G3BP2: variants seen among roughly 807,000 people sequenced by gnomAD.
G3BP2 encodes the protein G3BP stress granule assembly factor 2.
A neutral mutation model predicts 56.7 loss-of-function variants in G3BP2; 11 were observed. The observed-to-expected ratio is 0.19, with a 90% CI of 0.12 to 0.32. G3BP2 has a LOEUF of 0.32. G3BP2 is among the 10% of genes least tolerant of loss of function. The pLI is 1.00. For missense variants in G3BP2, 340 were observed against 610.9 expected, an observed-to-expected ratio of 0.56 and a Z score of 4.67; for synonymous variants, 165 against 191.6, an observed-to-expected ratio of 0.86 and a Z score of 1.15.
chr4:75,672,348 T>C (rs1690903458), intron 1 of G3BP2, among the ~76,000 whole-genome samples: 1 of 152,222 alleles, frequency 6.6e-6, no homozygotes, highest in Non-Finnish European at 1.5e-5. Flanking sequence ...GGAAAAATTC[T>C]ATCAGATTCC....
chr4:75,661,815 AG>A (rs1164658044), intron 2 of G3BP2, 115 bp downstream of exon 2: 1 of 619,566 alleles, frequency 1.6e-6, no homozygotes, highest in African/African-American at 1.9e-5. Flanking sequence ...AATACAGTTT[AG>A]ACATGTTTAC....
upstream of G3BP2, among the ~76,000 whole-genome samples, chr4:75,674,714 A>AT (rs1402681956): frequency 1.1e-4 from 6 of 54,818 alleles, no homozygotes; most frequent in African/African-American, 2.6e-4. Context: ...ATATATATAT[A>AT]TATATTTTTT....
chr4:75,656,739 T>C (rs1268900571), intron 5 of G3BP2, among the ~76,000 whole-genome samples, 185 bp downstream of exon 5: 3 of 152,186 alleles, frequency 2.0e-5, no homozygotes, highest in Non-Finnish European at 4.4e-5. Flanking sequence ...ATCCAAATTT[T>C]GTATATTTTC....
chr4:75,676,373 C>T (rs1410651997), upstream of G3BP2, among the ~76,000 whole-genome samples: 3 of 128,728 alleles, frequency 2.3e-5, no homozygotes, highest in Admixed American at 9.8e-5. Flanking sequence ...GATGGAGTCT[C>T]GCTCTGTCAT....
chr4:75,679,342 G>A (rs1368250531), intron 3 of G3BP2, among the ~76,000 whole-genome samples: 1 of 152,180 alleles, frequency 6.6e-6, no homozygotes, highest in African/African-American at 2.4e-5. Context: ...AGAGGAGAAA[G>A]CCTATTATGA....
At chr4:75,672,553 G>T (rs961701338) in intron 1 of G3BP2, 3 of 152,480 alleles carry the variant, frequency 2.0e-5, no homozygotes, top group African/African-American at 7.2e-5. Context: ...GTGGCAGGGA[G>T]AGGGGGGTTG....
chr4:75,673,263 G>C lies in G3BP2; in HGVS notation c.-80C>G. 1 of 1,224,544 alleles carries C rather than the reference G, an allele frequency of 8.2e-7. No individual in the cohort carries two copies. Among genetic ancestry groups the C allele is most frequent in the Non-Finnish European group, 1.0e-6 (1 of 983,568 alleles). 75.9% of individuals were successfully genotyped at this position (1,224,544 alleles called of 1,614,324 possible). A position where few individuals can be genotyped will look rare whatever the true frequency, so the allele number is the denominator to read the frequency against. On this transcript the variant is annotated 5_prime_UTR_variant, in exon 1 of 12. Coordinates refer to ENST00000359707, the MANE Select transcript of G3BP2 (RefSeq NM_203505.3). ...CGCGGAGGTCAGAAGAGTCGCTGAG[G>C]ACCGGGTGCGGCGGGTTCTTATTGC...
At chr4:75,698,340 G>A (rs577401503) in intron 3 of G3BP2, among the ~76,000 whole-genome samples, 1 of 152,308 alleles carries the variant, frequency 6.6e-6, no homozygotes, top group African/African-American at 2.4e-5. Flanking sequence ...AGAAATGCAG[G>A]TGGCTTCTAG....
At chr4:75,702,943 C>T (rs1719404001) in intron 3 of G3BP2, among the ~76,000 whole-genome samples, 1 of 152,196 alleles carries the variant, frequency 6.6e-6, no homozygotes, top group Non-Finnish European at 1.5e-5. Context: ...GGGCAAGGGC[C>T]ACTTGGCCAC....
chr4:75,701,761 T>C (rs1040564603), intron 3 of G3BP2, among the ~76,000 whole-genome samples: 2 of 152,194 alleles, frequency 1.3e-5, no homozygotes, highest in Non-Finnish European at 2.9e-5. Context: ...TTGAAGGCTT[T>C]TGGACTCAAA....
chr4:75,712,518 G>A (rs1719797030), intron 3 of G3BP2, among the ~76,000 whole-genome samples: 1 of 152,102 alleles, frequency 6.6e-6, no homozygotes, highest in East Asian at 1.9e-4. Flanking sequence ...CTGACAAGAG[G>A]AAAGATTTTT....
At chr4:75,673,718 G>A (rs977825452), upstream of G3BP2, 1 of 871,928 alleles carries the variant, frequency 1.1e-6, no homozygotes, top group Non-Finnish European at 1.5e-6. Context: ...GCGCAAGCGA[G>A]AGCTGGTTCG....
intron 1 of G3BP2, among the ~76,000 whole-genome samples, chr4:75,667,872 A>T (rs1415559167): frequency 6.6e-6 from 1 of 152,218 alleles, no homozygotes; most frequent in Non-Finnish European, 1.5e-5. Flanking sequence ...CTGGGCAACA[A>T]GAGCGAAACT....
chr4:75,654,391 T>C (rs1016684748), intron 7 of G3BP2, among the ~76,000 whole-genome samples: 2 of 152,180 alleles, frequency 1.3e-5, no homozygotes, highest in Admixed American at 1.3e-4. Context: ...CTGAACCTAA[T>C]AGAAACAATT....
intron 3 of G3BP2, among the ~76,000 whole-genome samples, chr4:75,689,899 A>G (rs970370698): frequency 2.6e-5 from 4 of 152,324 alleles, no homozygotes; most frequent in African/African-American, 4.8e-5. Context: ...AAAAGGAGCA[A>G]AACTGATTAT....
chr4:75,681,988 CTA>C, intron 3 of G3BP2, among the ~76,000 whole-genome samples: 1 of 152,228 alleles, frequency 6.6e-6, no homozygotes, highest in South Asian at 2.1e-4. Flanking sequence ...ACTGAGAAGG[CTA>C]TGACATGACC....
At chr4:75,675,104 C>G (rs1043669746), upstream of G3BP2, among the ~76,000 whole-genome samples, 21 of 152,108 alleles carry the variant, frequency 1.4e-4, no homozygotes, top group African/African-American at 4.8e-4. Flanking sequence ...GACTACACTG[C>G]TACTATTCAC....
chr4:75,688,252 T>C (rs887844176), intron 3 of G3BP2, among the ~76,000 whole-genome samples: 1 of 152,148 alleles, frequency 6.6e-6, no homozygotes, highest in Non-Finnish European at 1.5e-5. Flanking sequence ...CATGTTAACC[T>C]GGCTGGTCTC....
chr4:75,676,569 C>T (rs766496921), upstream of G3BP2, among the ~76,000 whole-genome samples: 1 of 152,156 alleles, frequency 6.6e-6, no homozygotes, highest in African/African-American at 2.4e-5. Flanking sequence ...TCTCGAACTC[C>T]TGACCTCAAG....
Sources: gnomAD v4.1 joint callset for allele counts (sites outside exome capture counted in the v4.1 genomes callset) on GRCh38, gnomAD v4.1.1 for gene constraint, MANE v1.5 for transcripts, NCBI Gene and HGNC (gene_info 2026-07-23, HGNC 2026-07-21) for gene names.